Variants in RARB observed in about 807,000 individuals in gnomAD.
RARB encodes the protein HBV-activated protein.
In RARB, 17 loss-of-function variants were observed where a neutral mutation model predicts 51.9. That is an observed-to-expected ratio of 0.33 (90% CI 0.22 to 0.49). The LOEUF (loss-of-function observed/expected upper bound fraction) is 0.49. RARB is among the 20% of genes least tolerant of loss of function. The probability of loss-of-function intolerance (pLI) is 0.99; values close to 1 mark genes in which losing one functional copy is unlikely to be tolerated. For missense variants in RARB, 369 were observed against 550.8 expected, an observed-to-expected ratio of 0.67 and a Z score of 3.30; for synonymous variants, 215 against 195.4, an observed-to-expected ratio of 1.10 and a Z score of -0.84.
At chr3:25,333,566 TA>T (rs1704969542) in intron 5 of RARB, among the ~76,000 whole-genome samples, 1 of 152,158 alleles carries the variant, frequency 6.6e-6, no homozygotes, top group African/African-American at 2.4e-5. Flanking sequence ...CCTAAAACCA[TA>T]AAAACCTTAG....
At chr3:25,513,661 TACACACAC>T (rs10525876) in intron 3 of RARB, among the ~76,000 whole-genome samples, 12 of 145,096 alleles carry the variant, frequency 8.3e-5, no homozygotes, top group African/African-American at 1.1e-4. Context: ...CTCTCAAAAC[TACACACAC>T]ACACACACAC....
intron 5 of RARB, among the ~76,000 whole-genome samples, chr3:25,217,253 G>C (rs1229866578): frequency 6.6e-6 from 1 of 152,120 alleles, no homozygotes; most frequent in Non-Finnish European, 1.5e-5. Context: ...AATTTTACCA[G>C]TGTTCAAAAT....
chr3:24,981,569 G>A (rs1559421297), intron 2 of RARB, among the ~76,000 whole-genome samples: 1 of 152,164 alleles, frequency 6.6e-6, no homozygotes, highest in Non-Finnish European at 1.5e-5. Context: ...GCAAGGCTCT[G>A]TGGATGTGGG....
At chr3:25,006,012 C>T (rs1313927227) in intron 2 of RARB, among the ~76,000 whole-genome samples, 1 of 152,110 alleles carries the variant, frequency 6.6e-6, no homozygotes, top group African/African-American at 2.4e-5. Context: ...GACAATCCCA[C>T]CTCAGGGCTT....
At chr3:25,320,651 T>A (rs1704545273) in intron 5 of RARB, among the ~76,000 whole-genome samples, 4 of 152,224 alleles carry the variant, frequency 2.6e-5, no homozygotes, top group African/African-American at 9.6e-5. Context: ...AAAGTGATAT[T>A]TAGAATCCAA....
At chr3:25,315,898 C>T (rs553963055) in intron 5 of RARB, among the ~76,000 whole-genome samples, 3 of 152,162 alleles carry the variant, frequency 2.0e-5, no homozygotes, top group Admixed American at 2.0e-4. Context: ...GGATTACAGG[C>T]ATGAACCACC....
chr3:25,290,935 C>G (rs1703771074), intron 5 of RARB, among the ~76,000 whole-genome samples: 1 of 152,138 alleles, frequency 6.6e-6, no homozygotes, highest in Non-Finnish European at 1.5e-5. Flanking sequence ...AGTGTTCGAG[C>G]CCTCTCCTCA....
intron 5 of RARB, among the ~76,000 whole-genome samples, chr3:25,361,124 G>A (rs938247194): frequency 2.0e-5 from 3 of 152,158 alleles, no homozygotes; most frequent in Admixed American, 6.5e-5. Context: ...CCAATCAAAC[G>A]TAGGTTTGGT....
At chr3:25,351,794 C>A (rs987607356) in intron 5 of RARB, among the ~76,000 whole-genome samples, 1 of 152,286 alleles carries the variant, frequency 6.6e-6, no homozygotes, top group East Asian at 1.9e-4. Flanking sequence ...GGCTACTCTA[C>A]TCACAGCAGC....
At chr3:25,491,984 G>T (rs979130131) in intron 2 of RARB, among the ~76,000 whole-genome samples, 3 of 152,130 alleles carry the variant, frequency 2.0e-5, no homozygotes, top group African/African-American at 7.2e-5. Flanking sequence ...TTTTAAGACA[G>T]TGACAGCAGA....
intron 5 of RARB, among the ~76,000 whole-genome samples, chr3:25,186,057 A>G (rs1329150325): frequency 6.6e-6 from 1 of 152,132 alleles, no homozygotes; most frequent in South Asian, 2.1e-4. Context: ...CAGCATTCCA[A>G]TTAAAAATAC....
chr3:25,388,889 T>A (rs181338876), intron 5 of RARB, among the ~76,000 whole-genome samples: 1 of 152,164 alleles, frequency 6.6e-6, no homozygotes, highest in African/African-American at 2.4e-5. Context: ...TGTTACTAGG[T>A]TTTTCTTCAA....
rs186894526 is a variant in RARB, at chr3:25,448,304, T to C, written c.158-12889T>C. Among the ~76,000 whole-genome samples the C allele has an allele frequency of 5.6e-4, 85 of 152,314 alleles. 1 individual carries two copies. The East Asian group carries it at 0.015, about 27-fold the overall frequency. ...GGTGAAAATGTCTTTGAATTATTTTTTCAAGATTTTCTTAACATTTTTAAA... is the reference window on the plus strand; with the variant it reads ...GGTGAAAATGTCTTTGAATTATTTTCTCAAGATTTTCTTAACATTTTTAAA... On this transcript the variant is annotated intron_variant, in intron 1 of 7. Coordinates refer to ENST00000330688, the MANE Select transcript of RARB (RefSeq NM_000965.5).
At chr3:24,862,392 A>G (rs759504233) in intron 2 of RARB, among the ~76,000 whole-genome samples, 8 of 152,206 alleles carry the variant, frequency 5.3e-5, no homozygotes, top group Non-Finnish European at 1.0e-4. Flanking sequence ...GTGAGGAAGT[A>G]CAGTCATCCC....
chr3:24,852,132 A>T (rs1446638075), intron 1 of RARB, among the ~76,000 whole-genome samples: 2 of 152,194 alleles, frequency 1.3e-5, no homozygotes, highest in East Asian at 3.8e-4. Flanking sequence ...ATGATATCTC[A>T]TTTTGTTAGT....
At chr3:25,146,397 T>C (rs1247010602) in intron 4 of RARB, among the ~76,000 whole-genome samples, 1 of 151,882 alleles carries the variant, frequency 6.6e-6, no homozygotes, top group African/African-American at 2.4e-5. Flanking sequence ...CCATAGACAA[T>C]ATATGTTAAA....
intron 5 of RARB, among the ~76,000 whole-genome samples, chr3:25,363,794 T>C (rs9310777): frequency 0.027 from 4,101 of 152,288 alleles, 171 homozygotes; most frequent in African/African-American, 0.093. Flanking sequence ...AAGTCCTACA[T>C]GATCTGTGGC....
At chr3:25,039,892 G>A (rs951557138) in intron 2 of RARB, among the ~76,000 whole-genome samples, 2 of 152,218 alleles carry the variant, frequency 1.3e-5, no homozygotes, top group Non-Finnish European at 2.9e-5. Context: ...ATCATTCGTG[G>A]CTGGGTAGAA....
At chr3:25,418,594 A>C (rs939111901) in intron 5 of RARB, among the ~76,000 whole-genome samples, 12 of 151,748 alleles carry the variant, frequency 7.9e-5, no homozygotes, top group African/African-American at 2.9e-4. Flanking sequence ...TAACTTGTCC[A>C]TCTCAACAGG....
Sources: allele counts gnomAD v4.1 joint callset (sites outside exome capture counted in the v4.1 genomes callset), GRCh38; gene constraint gnomAD v4.1.1; transcripts MANE v1.5; gene names NCBI Gene and HGNC (gene_info 2026-07-23, HGNC 2026-07-21).